CTNNA3: variants seen among roughly 807,000 people sequenced by gnomAD.
CTNNA3 encodes the protein catenin alpha-3.
A neutral mutation model predicts 95.7 loss-of-function variants in CTNNA3; 76 were observed. That is an observed-to-expected ratio of 0.79 (90% CI 0.66 to 0.96). The LOEUF (loss-of-function observed/expected upper bound fraction) is 0.96. CTNNA3 is among the 40% of genes least tolerant of loss of function. The pLI is 0.00. For synonymous variants in CTNNA3, 431 were observed against 374.4 expected (o/e 1.15, Z -1.74); for missense variants, 1,191 against 1,089.8 (o/e 1.09, Z -1.31).
chr10:66,859,276 G>A (rs1843807316), intron 7 of CTNNA3, among the ~76,000 whole-genome samples: 1 of 151,822 alleles, frequency 6.6e-6, no homozygotes, highest in Non-Finnish European at 1.5e-5. Flanking sequence ...TCTGACAAAA[G>A]GCTAATATCG....
intron 7 of CTNNA3, chr10:67,176,873 G>A: frequency 2.1e-6 from 1 of 471,358 alleles, no homozygotes; most frequent in Non-Finnish European, 4.3e-6. Context: ...TCTAGAAACT[G>A]GAAAAGGCAA....
At chr10:66,984,101 T>C (rs1850596183) in intron 7 of CTNNA3, among the ~76,000 whole-genome samples, 1 of 152,212 alleles carries the variant, frequency 6.6e-6, no homozygotes, top group Admixed American at 6.6e-5. Context: ...CAGTAAATAG[T>C]TATTGAGCAC....
intron 10 of CTNNA3, among the ~76,000 whole-genome samples, chr10:66,607,819 A>G (rs944322107): frequency 6.6e-6 from 1 of 152,176 alleles, no homozygotes; most frequent in Non-Finnish European, 1.5e-5. Flanking sequence ...ACAGTCATCT[A>G]TGACAAACAC....
At chr10:66,785,379 A>G (rs1840701295) in intron 7 of CTNNA3, among the ~76,000 whole-genome samples, 1 of 152,216 alleles carries the variant, frequency 6.6e-6, no homozygotes, top group African/African-American at 2.4e-5. Context: ...AGACCCAGTA[A>G]AGAACAAAAT....
At chr10:66,521,173 A>G (rs1483566112) in intron 10 of CTNNA3, among the ~76,000 whole-genome samples, 1 of 151,380 alleles carries the variant, frequency 6.6e-6, no homozygotes, top group East Asian at 1.9e-4. Context: ...AACGTTTTAT[A>G]TTTATTAGTA....
intron 15 of CTNNA3, among the ~76,000 whole-genome samples, chr10:66,051,344 A>G (rs2079954575): frequency 6.6e-6 from 1 of 152,234 alleles, no homozygotes; most frequent in Non-Finnish European, 1.5e-5. Context: ...GAGCACATGA[A>G]TGAACAAATA....
chr10:67,009,849 C>G (rs900026910), intron 7 of CTNNA3, among the ~76,000 whole-genome samples: 2 of 152,112 alleles, frequency 1.3e-5, no homozygotes, highest in African/African-American at 4.8e-5. Context: ...TATCCTTTTG[C>G]ATCAGAGACT....
chr10:66,240,460 T>C (rs756504934), intron 13 of CTNNA3, among the ~76,000 whole-genome samples: 3 of 152,112 alleles, frequency 2.0e-5, no homozygotes, highest in Non-Finnish European at 4.4e-5. Context: ...ATAGTCTTTA[T>C]AATACCTACA....
chr10:67,253,191 C>T (rs1430011525), intron 5 of CTNNA3, among the ~76,000 whole-genome samples: 5 of 152,076 alleles, frequency 3.3e-5, no homozygotes, highest in Admixed American at 2.6e-4. Flanking sequence ...AACCTGATAA[C>T]CGAGAGGGCT....
In CTNNA3 at chr10:66,245,565, T is replaced by C. The variant is rs2090283695; in HGVS notation, c.1884+34905A>G. On this transcript the variant is annotated intron_variant, in intron 13 of 17. Coordinates refer to ENST00000433211, the MANE Select transcript of CTNNA3 (RefSeq NM_013266.4). ...GAATTTTATTGAGCAATATAACAGC[T>C]CACAGAAGTCCCACAGAGGGTAGCT... Among the ~76,000 whole-genome samples the C allele has an allele frequency of 2.0e-5, 3 of 152,156 alleles. No homozygotes were observed. In the South Asian group the frequency reaches 6.2e-4, roughly 32 times the overall value.
rs142878339 is a variant in CTNNA3 at position 66,730,909 on chromosome 10, G to A, written c.1281+35355C>T. Among the ~76,000 whole-genome samples, 718 of 152,288 alleles carry A rather than the reference G, an allele frequency of 4.7e-3. 7 individuals are homozygous for A. Among genetic ancestry groups the A allele is most frequent in the African/African-American group, 0.017 (688 of 41,570 alleles). On this transcript the variant is annotated intron_variant, in intron 9 of 17. Transcript: ENST00000433211. ...ACTCTGACTAAAACTATGCAAAAAT[G>A]CATGTTTATCTAATCATAGAGATAA...
At position 67,210,095 on chromosome 10, in the gene CTNNA3, C is replaced by T. The variant is rs561401763; in HGVS notation, c.843+9512G>A. Among the ~76,000 whole-genome samples, 32 of 151,946 alleles carry T rather than the reference C, an allele frequency of 2.1e-4. No homozygotes were observed. In the South Asian group the frequency reaches 6.4e-3, roughly 31 times the overall value. On this transcript the variant is annotated intron_variant, in intron 6 of 17. Coordinates refer to ENST00000433211, the MANE Select transcript of CTNNA3 (RefSeq NM_013266.4). Reference sequence around the variant, plus strand: ...GAGCAAAGCAGGCAGATCACAAGGTCGGGAGATCGACACCATCCTGGCTAA... The same window carrying T: ...GAGCAAAGCAGGCAGATCACAAGGTTGGGAGATCGACACCATCCTGGCTAA...
intron 12 of CTNNA3, among the ~76,000 whole-genome samples, chr10:66,322,801 C>T (rs1283333437): frequency 6.6e-6 from 1 of 151,896 alleles, no homozygotes; most frequent in African/African-American, 2.4e-5. Flanking sequence ...TACTGGAGAC[C>T]AAAACATTGG....
intron 9 of CTNNA3, among the ~76,000 whole-genome samples, chr10:66,696,036 T>C (rs914107387): frequency 6.6e-6 from 1 of 152,130 alleles, no homozygotes; most frequent in Non-Finnish European, 1.5e-5. Flanking sequence ...CATTCTCACT[T>C]ACATAAAGTA....
chr10:66,803,964 T>G (rs919814043), intron 7 of CTNNA3, among the ~76,000 whole-genome samples: 3 of 152,088 alleles, frequency 2.0e-5, no homozygotes, highest in East Asian at 3.9e-4. Context: ...CCAGTTGTTT[T>G]TTTTTTTTTT....
At chr10:67,698,825 G>A (rs116417162), upstream of CTNNA3, among the ~76,000 whole-genome samples, 1,093 of 151,298 alleles carry the variant, frequency 7.2e-3, 16 homozygotes, top group African/African-American at 0.025. Context: ...CCCCTGATTT[G>A]AAGGTCTTAT....
At chr10:66,370,066 A>T (rs116250933) in intron 12 of CTNNA3, among the ~76,000 whole-genome samples, 2,533 of 152,218 alleles carry the variant, frequency 0.017, 75 homozygotes, top group African/African-American at 0.059. Context: ...AATCTGATTT[A>T]CACACTCGAA....
chr10:67,635,442 C>T (rs1839278079), intron 2 of CTNNA3, among the ~76,000 whole-genome samples: 3 of 152,044 alleles, frequency 2.0e-5, no homozygotes, highest in Admixed American at 6.6e-5. Context: ...CAAACTGAAT[C>T]GAAGAGAACA....
At chr10:66,855,131 G>A (rs1333409653) in intron 7 of CTNNA3, among the ~76,000 whole-genome samples, 1 of 151,924 alleles carries the variant, frequency 6.6e-6, no homozygotes, top group Non-Finnish European at 1.5e-5. Context: ...CACTCACTAT[G>A]GAAAGTACCA....
Sources: gnomAD v4.1 joint callset for allele counts (sites outside exome capture counted in the v4.1 genomes callset) on GRCh38, gnomAD v4.1.1 for gene constraint, MANE v1.5 for transcripts, NCBI Gene and HGNC (gene_info 2026-07-23, HGNC 2026-07-21) for gene names.